The following NOVA1 variants were observed in gnomAD, a reference collection of about 807,000 sequenced individuals.
The protein encoded by NOVA1 is RNA-binding protein Nova-1.
A neutral mutation model predicts 38.0 loss-of-function variants in NOVA1; 7 were observed. The observed-to-expected ratio is 0.18, with a 90% CI of 0.10 to 0.35. NOVA1 has a LOEUF of 0.35. NOVA1 is among the 10% of genes least tolerant of loss of function. NOVA1 has a pLI of 1.00. For synonymous variants in NOVA1, 270 were observed against 232.5 expected (o/e 1.16, Z -1.47); for missense variants, 460 against 616.0 (o/e 0.75, Z 2.68).
At chr14:26,527,264 T>C (rs1795769455) in intron 2 of NOVA1, among the ~76,000 whole-genome samples, 1 of 152,124 alleles carries the variant, frequency 6.6e-6, no homozygotes, top group African/African-American at 2.4e-5. Flanking sequence ...TTAGATGACC[T>C]CGTTCCAGTT....
chr14:26,504,795 C>A (rs1887508292), intron 2 of NOVA1, among the ~76,000 whole-genome samples: 1 of 151,194 alleles, frequency 6.6e-6, no homozygotes, highest in Non-Finnish European at 1.5e-5. Flanking sequence ...AAAAATGGCA[C>A]CAAACTCACA....
intron 2 of NOVA1, chr14:26,549,237 C>T (rs1891015810): frequency 6.6e-6 from 1 of 151,686 alleles, no homozygotes; most frequent in African/African-American, 2.4e-5. Flanking sequence ...TCATCATAAA[C>T]TGGCTTTGTT....
intron 2 of NOVA1, among the ~76,000 whole-genome samples, chr14:26,487,016 T>C (rs1467541792): frequency 2.0e-5 from 3 of 152,134 alleles, no homozygotes; most frequent in African/African-American, 4.8e-5. Context: ...ACTTTTCATA[T>C]TGTCTTTATA....
chr14:26,554,965 T>A (rs1479332739), intron 2 of NOVA1, among the ~76,000 whole-genome samples: 1 of 152,168 alleles, frequency 6.6e-6, no homozygotes, highest in Non-Finnish European at 1.5e-5. Flanking sequence ...ATATGTTTCG[T>A]GCATTTGTAG....
chr14:26,501,689 A>T (rs1303521684), intron 2 of NOVA1, among the ~76,000 whole-genome samples: 1 of 152,062 alleles, frequency 6.6e-6, no homozygotes, highest in East Asian at 1.9e-4. Flanking sequence ...TTGTTTTGAA[A>T]GTTCCGCTTT....
In NOVA1 at chr14:26,461,536, G is replaced by GCAA. The variant is rs1189749262; in HGVS notation, c.519+10781_519+10783dup. Among the ~76,000 whole-genome samples the GCAA allele has an allele frequency of 5.3e-5, 8 of 152,098 alleles. No individual in the cohort carries two copies. The East Asian group carries it at 1.6e-3, about 30-fold the overall frequency. On this transcript the variant is annotated intron_variant, in intron 4 of 4. Coordinates refer to ENST00000539517, the MANE Select transcript of NOVA1 (RefSeq NM_002515.3). ...AGACTACCTACACTACAGCACACTA[G>GCAA]CAAACTCAGAAGTCTGCAATGGAAT...
chr14:26,593,022 C>G (rs996107732), intron 2 of NOVA1: 1 of 151,750 alleles, frequency 6.6e-6, no homozygotes, highest in African/African-American at 2.4e-5. Flanking sequence ...AAAGGGGCTT[C>G]ATGAAATAAA....
At chr14:26,596,702 C>T in intron 1 of NOVA1, 1 of 1,287,286 alleles carries the variant, frequency 7.8e-7, no homozygotes, top group Non-Finnish European at 1.0e-6. Context: ...GTTCCAGACA[C>T]CCCCACCCTC....
At chr14:26,551,756 T>A (rs61082054) in intron 2 of NOVA1, among the ~76,000 whole-genome samples, 1,561 of 152,166 alleles carry the variant, frequency 0.01, 25 homozygotes, top group African/African-American at 0.035. Context: ...CACATTTTTT[T>A]AAAAAGTAAT....
In NOVA1 at chr14:26,541,787, C is replaced by T. The variant is rs1956807; in HGVS notation, c.280+53623G>A. 2.5e-3 allele frequency among the ~76,000 whole-genome samples: 372 copies of T among 151,686 alleles called. 5 individuals are homozygous for T. Among genetic ancestry groups the T allele is most frequent in the Admixed American group, 0.023 (349 of 15,188 alleles). ...GAGCAGGGAAAATCACAGGGATAAACAGTGTTTCTTGATACCTAAAACTGA... is the reference window on the plus strand; with the variant it reads ...GAGCAGGGAAAATCACAGGGATAAATAGTGTTTCTTGATACCTAAAACTGA... On this transcript the variant is annotated intron_variant, in intron 2 of 4. Transcript: ENST00000539517.
At chr14:26,469,160 C>A (rs1052582581) in intron 4 of NOVA1, among the ~76,000 whole-genome samples, 11 of 152,134 alleles carry the variant, frequency 7.2e-5, no homozygotes, top group African/African-American at 1.9e-4. Context: ...TTGTACCTTA[C>A]AATATGAAAC....
At chr14:26,585,000 T>C (rs1032436011) in intron 2 of NOVA1, among the ~76,000 whole-genome samples, 5 of 151,366 alleles carry the variant, frequency 3.3e-5, no homozygotes, top group South Asian at 2.1e-4. Flanking sequence ...AGAAACACTA[T>C]GATATGGTTA....
At chr14:26,590,293 T>C (rs1324908766) in intron 2 of NOVA1, among the ~76,000 whole-genome samples, 1 of 151,876 alleles carries the variant, frequency 6.6e-6, no homozygotes, top group Non-Finnish European at 1.5e-5. Context: ...TATCCAAAGA[T>C]GGAAATGAGA....
At chr14:26,490,548 C>A (rs1265908230) in intron 2 of NOVA1, among the ~76,000 whole-genome samples, 2 of 152,130 alleles carry the variant, frequency 1.3e-5, no homozygotes, top group Non-Finnish European at 2.9e-5. Context: ...GTGTGAAGAG[C>A]TATCTTGGAG....
At chr14:26,584,662 A>G (rs1052421096) in intron 2 of NOVA1, among the ~76,000 whole-genome samples, 3 of 151,386 alleles carry the variant, frequency 2.0e-5, no homozygotes, top group African/African-American at 7.3e-5. Flanking sequence ...TGAATATAAC[A>G]GAATTTTTGC....
intron 2 of NOVA1, among the ~76,000 whole-genome samples, chr14:26,575,131 TG>T (rs1296029569): frequency 6.6e-6 from 1 of 152,224 alleles, no homozygotes; most frequent in Non-Finnish European, 1.5e-5. Context: ...CCTTTTAAAA[TG>T]TATGTAATTC....
At chr14:26,555,807 A>G (rs1320511960) in intron 2 of NOVA1, among the ~76,000 whole-genome samples, 6 of 152,246 alleles carry the variant, frequency 3.9e-5, no homozygotes, top group Non-Finnish European at 7.4e-5. Context: ...GTCAACCAGG[A>G]ATAAATAATC....
At chr14:26,500,689 T>C (rs1357600918) in intron 2 of NOVA1, among the ~76,000 whole-genome samples, 3 of 151,990 alleles carry the variant, frequency 2.0e-5, no homozygotes, top group Non-Finnish European at 4.4e-5. Context: ...ATTCTGAACT[T>C]ATCACTTCAA....
chr14:26,545,526 C>T (rs1594507708), intron 2 of NOVA1, among the ~76,000 whole-genome samples: 1 of 152,066 alleles, frequency 6.6e-6, no homozygotes, highest in East Asian at 1.9e-4. Flanking sequence ...TGAGCCAGAA[C>T]ACACACCATG....
Sources: gnomAD v4.1 joint callset for allele counts (sites outside exome capture counted in the v4.1 genomes callset) on GRCh38, gnomAD v4.1.1 for gene constraint, MANE v1.5 for transcripts, NCBI Gene and HGNC (gene_info 2026-07-23, HGNC 2026-07-21) for gene names.